METTL2A: variants seen among roughly 807,000 people sequenced by gnomAD.
The protein encoded by METTL2A is tRNA N(3)-cytidine methyltransferase METTL2A.
Under a neutral mutation model 49.4 loss-of-function variants are expected in METTL2A, and 45 were observed. The observed-to-expected ratio is 0.91, with a 90% CI of 0.72 to 1.17. METTL2A has a LOEUF of 1.17. Ranked by LOEUF, METTL2A falls within the 50% of genes most tolerant of loss-of-function variation. The probability of loss-of-function intolerance (pLI) is 0.00; values close to 1 mark genes in which losing one functional copy is unlikely to be tolerated. For synonymous variants in METTL2A, 118 were observed against 167.5 expected, an observed-to-expected ratio of 0.70 and a Z score of 2.28; for missense variants, 361 against 462.2, an observed-to-expected ratio of 0.78 and a Z score of 2.01.
At position 62,440,481 on chromosome 17, in the gene METTL2A, A is replaced by G. The variant is rs549430609; in HGVS notation, c.670-136A>G. On this transcript the variant is annotated intron_variant, in intron 5 of 8. Transcript: ENST00000311506. The stretch of plus-strand genomic sequence containing the variant: ...GGCAACATGGGGAGATTTTGCCTCA[A>G]GAAAAAAAAGAAAAAAGAAATATAT... 11 of 1,303,884 alleles carry G rather than the reference A, an allele frequency of 8.4e-6. No individual in the cohort carries two copies. In the South Asian group the frequency reaches 1.1e-4, roughly 14 times the overall value. 80.8% of individuals were successfully genotyped at this position (1,303,884 alleles called of 1,614,324 possible). A position where few individuals can be genotyped will look rare whatever the true frequency, so the allele number is the denominator to read the frequency against.
intron 5 of METTL2A, among the ~76,000 whole-genome samples, chr17:62,439,306 A>C (rs1209491648): frequency 2.7e-5 from 4 of 149,962 alleles, no homozygotes; most frequent in African/African-American, 9.9e-5. Flanking sequence ...AAGTCTCACT[A>C]TGTTGCCTAG....
At chr17:62,444,534 C>A (rs2144155114) in intron 6 of METTL2A, among the ~76,000 whole-genome samples, 1 of 152,354 alleles carries the variant, frequency 6.6e-6, no homozygotes, top group South Asian at 2.1e-4. Context: ...CCTGCCTCAG[C>A]CTCCCAAAGT....
chr17:62,446,293 A>G (rs2070768143), intron 7 of METTL2A, among the ~76,000 whole-genome samples: 1 of 151,168 alleles, frequency 6.6e-6, no homozygotes, highest in South Asian at 2.1e-4. Context: ...TACAGGTGTG[A>G]GCCACTGTGC....
intron 6 of METTL2A, among the ~76,000 whole-genome samples, chr17:62,441,574 G>A (rs2070738912): frequency 6.6e-6 from 1 of 152,004 alleles, no homozygotes; most frequent in African/African-American, 2.4e-5. Flanking sequence ...AACCTCCCGA[G>A]TAGCTGGGAT....
chr17:62,432,099 A>G (rs2070669836), intron 4 of METTL2A, among the ~76,000 whole-genome samples: 1 of 152,188 alleles, frequency 6.6e-6, no homozygotes, highest in African/African-American at 2.4e-5. Context: ...CATCATCCCA[A>G]AAAGAAGCCC....
intron 8 of METTL2A, among the ~76,000 whole-genome samples, chr17:62,448,284 C>A (rs1386274629): frequency 6.6e-6 from 1 of 152,122 alleles, no homozygotes; most frequent in African/African-American, 2.4e-5. Context: ...AAAACAATTG[C>A]TTTGACATAC....
intron 5 of METTL2A, among the ~76,000 whole-genome samples, chr17:62,437,701 C>T (rs2070710011): frequency 6.6e-6 from 1 of 152,128 alleles, no homozygotes; most frequent in South Asian, 2.1e-4. Context: ...TGGCTGGGGT[C>T]AGTGGCTCAC....
rs1368468231 is a variant in METTL2A, at chr17:62,447,691, C to A, written c.917-10C>A. The A allele has an allele frequency of 1.2e-6, 2 of 1,613,718 alleles. No individual in the cohort carries two copies. The stretch of plus-strand genomic sequence containing the variant: ...TAAGTGTCTCTGATTTTTAACACAT[C>A]ACTCTGCAGGTCAGTGTCTATCTGG... On this transcript the variant is annotated splice_polypyrimidine_tract_variant and intron_variant, in intron 7 of 8. Transcript: ENST00000311506.
intron 4 of METTL2A, among the ~76,000 whole-genome samples, chr17:62,433,073 C>G (rs1197696917): frequency 6.6e-6 from 1 of 152,126 alleles, no homozygotes. Context: ...ATGCTACACC[C>G]GACACCATTG....
At chr17:62,429,912 C>A (rs1424838815) in intron 4 of METTL2A, among the ~76,000 whole-genome samples, 1 of 152,168 alleles carries the variant, frequency 6.6e-6, no homozygotes, top group Non-Finnish European at 1.5e-5. Flanking sequence ...CTCAAGTGAT[C>A]CACCCACCTC....
intron 1 of METTL2A, 35 bp from the exon 2 acceptor site, chr17:62,424,184 G>A: frequency 1.9e-6 from 3 of 1,614,114 alleles, no homozygotes; most frequent in Non-Finnish European, 2.5e-6. Flanking sequence ...CAGCCAGGAC[G>A]TGAGGCCCCT....
intron 6 of METTL2A, among the ~76,000 whole-genome samples, chr17:62,444,575 C>T (rs1412966060): frequency 4.6e-5 from 7 of 152,192 alleles, no homozygotes; most frequent in South Asian, 4.1e-4. Flanking sequence ...CCACCGCACC[C>T]GGCCAGGAGC....
chr17:62,445,155 G>A, intron 7 of METTL2A, among the ~76,000 whole-genome samples: 1 of 151,672 alleles, frequency 6.6e-6, no homozygotes, highest in East Asian at 1.9e-4. Flanking sequence ...GGGTGAGGGG[G>A]CTGGGAGAGG....
Position 62,450,900 on chromosome 17 carries a change from CAAG to C in METTL2A, c.*2174_*2176del, listed in dbSNP as rs1192922218. ...ATAATAAATTTATATAGGAATACTG[CAAG>C]AATAGTCCATTTTTTTCTGATGTCC... On this transcript the variant is annotated 3_prime_UTR_variant, in exon 9 of 9. Transcript: ENST00000311506. 2.6e-5 allele frequency: 4 copies of C among 152,130 alleles called. No homozygotes were observed. Among genetic ancestry groups the C allele is most frequent in the Admixed American group, 6.6e-5 (1 of 15,252 alleles). 9.4% of individuals were successfully genotyped at this position (152,130 alleles called of 1,614,324 possible).
At chr17:62,445,294 T>TA (rs879814317) in intron 7 of METTL2A, among the ~76,000 whole-genome samples, 105 of 137,712 alleles carry the variant, frequency 7.6e-4, no homozygotes, top group East Asian at 2.3e-3. Context: ...AAAGTATAAT[T>TA]AAAAAAAAAA....
intron 7 of METTL2A, among the ~76,000 whole-genome samples, chr17:62,446,583 G>A (rs1436601333): frequency 1.3e-5 from 2 of 152,208 alleles, no homozygotes; most frequent in Non-Finnish European, 2.9e-5. Flanking sequence ...AAAGTCCTGG[G>A]ATTACAGGTG....
intron 4 of METTL2A, among the ~76,000 whole-genome samples, chr17:62,429,823 A>C (rs764585987): frequency 4.5e-4 from 68 of 152,172 alleles, no homozygotes; most frequent in Admixed American, 3.4e-3. Context: ...GGCATGCGCC[A>C]CAATGCCCAG....
At chr17:62,424,095 C>G in intron 1 of METTL2A, 83 bp downstream of exon 1, 1 of 1,581,216 alleles carries the variant, frequency 6.3e-7, no homozygotes, top group Non-Finnish European at 8.6e-7. Context: ...CCCTGACCGC[C>G]GGCCACGAGT....
chr17:62,452,597 C>T lies in METTL2A; in HGVS notation c.*3868C>T, dbSNP rs1298487619. ...CTGATTTACTTGTCTCAATATGGAC[C>T]CATGGGTATTTGAGTTTCTTGTGGG... On this transcript the variant is annotated 3_prime_UTR_variant, in exon 9 of 9. Coordinates refer to ENST00000311506, the MANE Select transcript of METTL2A (RefSeq NM_181725.4). Among the ~76,000 whole-genome samples, 1 of 151,952 alleles carries T rather than the reference C, an allele frequency of 6.6e-6. No individual in the cohort carries two copies. Among genetic ancestry groups the T allele is most frequent in the African/African-American group, 2.4e-5 (1 of 41,368 alleles).
Sources: allele counts gnomAD v4.1 joint callset (sites outside exome capture counted in the v4.1 genomes callset), GRCh38; gene constraint gnomAD v4.1.1; transcripts MANE v1.5; gene names NCBI Gene and HGNC (gene_info 2026-07-23, HGNC 2026-07-21).